ASTN1: variants seen among roughly 807,000 people sequenced by gnomAD.
ASTN1 encodes astrotactin-1.
A neutral mutation model predicts 140.7 loss-of-function variants in ASTN1; 41 were observed. That is an observed-to-expected ratio of 0.29 (90% CI 0.23 to 0.38). ASTN1 has a LOEUF of 0.38. Ranked by LOEUF, ASTN1 falls within the 10% of genes least tolerant of loss-of-function variation. The probability of loss-of-function intolerance (pLI) is 1.00; values close to 1 mark genes in which losing one functional copy is unlikely to be tolerated. For missense variants in ASTN1, 1,479 were observed against 1,678.8 expected, an observed-to-expected ratio of 0.88 and a Z score of 2.08; for synonymous variants, 640 against 652.2, an observed-to-expected ratio of 0.98 and a Z score of 0.29.
At chr1:177,047,554 G>C (rs1677302083) in intron 2 of ASTN1, among the ~76,000 whole-genome samples, 1 of 152,206 alleles carries the variant, frequency 6.6e-6, no homozygotes, top group Non-Finnish European at 1.5e-5. Context: ...GATTCAGCCT[G>C]ATGGTGGTTG....
At chr1:177,124,229 G>GGAGGGATCAATGCCACCGC (rs1681535194) in intron 1 of ASTN1, among the ~76,000 whole-genome samples, 1 of 152,140 alleles carries the variant, frequency 6.6e-6, no homozygotes, top group Admixed American at 6.5e-5. Flanking sequence ...CCTCAGCCTG[G>GGAGGGATCAATGCCACCGC]CAGTGGAGCG....
chr1:176,916,949 C>G (rs1200343936), intron 16 of ASTN1, among the ~76,000 whole-genome samples: 1 of 152,154 alleles, frequency 6.6e-6, no homozygotes, highest in African/African-American at 2.4e-5. Flanking sequence ...CCTACTTACC[C>G]CACATTAGCC....
At chr1:176,991,409 G>A (rs1469947674) in intron 8 of ASTN1, among the ~76,000 whole-genome samples, 2 of 73,662 alleles carry the variant, frequency 2.7e-5, no homozygotes, top group Non-Finnish European at 4.8e-5. Context: ...GCTAAACTCT[G>A]TCTCAAAAAA....
At chr1:177,063,669 C>T (rs1678209636) in intron 1 of ASTN1, among the ~76,000 whole-genome samples, 2 of 152,086 alleles carry the variant, frequency 1.3e-5, no homozygotes, top group African/African-American at 4.8e-5. Flanking sequence ...GGCGCTTATC[C>T]TTCCAACCAC....
chr1:176,892,725 G>T (rs1669317529), intron 17 of ASTN1, among the ~76,000 whole-genome samples: 1 of 152,208 alleles, frequency 6.6e-6, no homozygotes. Context: ...ATATGCCAGA[G>T]GTAGAAATAA....
intron 21 of ASTN1, 108 bp downstream of exon 21, chr1:176,876,429 G>T: frequency 8.6e-7 from 1 of 1,159,138 alleles, no homozygotes; most frequent in Non-Finnish European, 1.3e-6. Flanking sequence ...CTTCCCTGCT[G>T]AACTCCAGGT....
chr1:177,096,525 T>A (rs1241353348), intron 1 of ASTN1, among the ~76,000 whole-genome samples: 1 of 152,156 alleles, frequency 6.6e-6, no homozygotes, highest in African/African-American at 2.4e-5. Flanking sequence ...GTGTCCCTAC[T>A]CAAATCTCAT....
chr1:177,119,888 C>T (rs1681290434), intron 1 of ASTN1, among the ~76,000 whole-genome samples: 1 of 152,170 alleles, frequency 6.6e-6, no homozygotes, highest in African/African-American at 2.4e-5. Context: ...CCAGCAGAGG[C>T]TGCCCCCTCA....
At chr1:177,049,085 T>A (rs947886085) in intron 2 of ASTN1, among the ~76,000 whole-genome samples, 1 of 152,168 alleles carries the variant, frequency 6.6e-6, no homozygotes, top group African/African-American at 2.4e-5. Flanking sequence ...CTGCAGGGAA[T>A]GGAAGAAAGT....
At chr1:177,028,924 C>T (rs537809476) in intron 5 of ASTN1, among the ~76,000 whole-genome samples, 10 of 152,284 alleles carry the variant, frequency 6.6e-5, no homozygotes, top group Admixed American at 1.3e-4. Flanking sequence ...GCTTGTGCTC[C>T]GAACTCCGCT....
In ASTN1 at chr1:177,141,578, G is replaced by A. The variant is rs941617394; in HGVS notation, c.283+22816C>T. 6.6e-5 allele frequency among the ~76,000 whole-genome samples: 10 copies of A among 152,144 alleles called. 1 individual carries two copies. Among genetic ancestry groups the A allele is most frequent in the Admixed American group, 6.5e-4 (10 of 15,280 alleles). ...CTGCTCTGCTGTCTAAACTCTGTGG[G>A]GACTTGTAGGGCCAGCTCTATTTCC... is the stretch of plus-strand genomic sequence containing the variant. On this transcript the variant is annotated intron_variant, in intron 1 of 22. Coordinates refer to ENST00000361833, the MANE Select transcript of ASTN1 (RefSeq NM_004319.3).
chr1:176,978,843 A>G (rs1447512964), intron 8 of ASTN1, among the ~76,000 whole-genome samples: 2 of 152,194 alleles, frequency 1.3e-5, no homozygotes, highest in African/African-American at 4.8e-5. Context: ...CTGATCACTT[A>G]ATATTCCTAT....
intron 9 of ASTN1, among the ~76,000 whole-genome samples, chr1:176,964,324 C>G (rs1672784166): frequency 2.0e-5 from 3 of 152,198 alleles, no homozygotes; most frequent in African/African-American, 7.2e-5. Flanking sequence ...GGACTACTCA[C>G]TTCCTCTACT....
At chr1:177,164,288 G>C (rs1174218508) in intron 1 of ASTN1, 106 bp downstream of exon 1, 4 of 1,214,518 alleles carry the variant, frequency 3.3e-6, no homozygotes, top group African/African-American at 1.5e-5. Context: ...AGGTAGGAGT[G>C]GGGGAGGGGA....
intron 10 of ASTN1, 27 bp from the exon 11 acceptor site, chr1:176,957,855 G>C (rs1672480665): frequency 6.2e-7 from 1 of 1,609,934 alleles, no homozygotes; most frequent in Non-Finnish European, 8.5e-7. Context: ...TGGGAAGCAG[G>C]GAGGAGTCAA....
chr1:176,883,007 G>C lies in ASTN1; in HGVS notation c.3227-13C>G. ...CTCAGCACTGTTTCTGCCCAGAGGAGAAGGAATGGAAAAAGCATGAGAAAC... is the reference window on the plus strand; with the variant it reads ...CTCAGCACTGTTTCTGCCCAGAGGACAAGGAATGGAAAAAGCATGAGAAAC... On this transcript the variant is annotated splice_polypyrimidine_tract_variant and intron_variant, in intron 19 of 22. Transcript: ENST00000361833. 6.2e-7 allele frequency: 1 copy of C among 1,613,808 alleles called. No homozygotes were observed. The highest frequency in any genetic ancestry group is 8.5e-7 in the Non-Finnish European group (1 of 1,179,802).
At chr1:177,012,068 C>T (rs1675323239) in intron 8 of ASTN1, among the ~76,000 whole-genome samples, 1 of 152,214 alleles carries the variant, frequency 6.6e-6, no homozygotes, top group South Asian at 2.1e-4. Flanking sequence ...ACATGGGCTG[C>T]TTACCTCCAC....
chr1:177,104,722 G>A (rs1433909891), intron 1 of ASTN1, among the ~76,000 whole-genome samples: 2 of 152,212 alleles, frequency 1.3e-5, no homozygotes, highest in Non-Finnish European at 2.9e-5. Context: ...GAATAGTAGA[G>A]TGAAATGAAT....
At chr1:176,979,506 G>A (rs965500111) in intron 8 of ASTN1, among the ~76,000 whole-genome samples, 1 of 152,152 alleles carries the variant, frequency 6.6e-6, no homozygotes, top group African/African-American at 2.4e-5. Context: ...ACTCCTCCCT[G>A]TCTTTTTACC....
Sources: gnomAD v4.1 joint callset for allele counts (sites outside exome capture counted in the v4.1 genomes callset) on GRCh38, gnomAD v4.1.1 for gene constraint, MANE v1.5 for transcripts, NCBI Gene and HGNC (gene_info 2026-07-23, HGNC 2026-07-21) for gene names.